The following POC5 variants were observed in gnomAD, a reference collection of about 807,000 sequenced individuals.
POC5 encodes the protein POC5 centriolar protein, also known as centrosomal protein POC5.
POC5 carries 48 observed loss-of-function variants against 62.9 expected under a neutral mutation model. The ratio of observed to expected loss-of-function variants is 0.76; its 90% confidence interval spans 0.61 to 0.97. The LOEUF (loss-of-function observed/expected upper bound fraction) is 0.97, where lower values mean the gene tolerates loss of function less well. Ranked by LOEUF, POC5 falls within the 50% of genes least tolerant of loss-of-function variation. The pLI, the probability that POC5 is intolerant of heterozygous loss-of-function variation, is 0.00. For missense variants in POC5, 696 were observed against 679.5 expected (o/e 1.02, Z -0.27); for synonymous variants, 236 against 228.2 (o/e 1.03, Z -0.31).
rs527422385 is a variant in POC5, at chr5:75,687,689, T to C, written c.1129+1323A>G. Among the ~76,000 whole-genome samples the C allele has an allele frequency of 5.9e-5, 9 of 152,324 alleles. No individual in the cohort carries two copies. The South Asian group carries it at 1.9e-3, about 32-fold the overall frequency. On this transcript the variant is annotated intron_variant, in intron 9 of 11. Transcript: ENST00000428202. ...ATGGTAAATGTATTAAGGTGGGAAA[T>C]ACTCCTAAGTCAATTCAAAATCTTT... is the stretch of plus-strand genomic sequence containing the variant.
intron 7 of POC5, 80 bp from the exon 8 acceptor site, chr5:75,690,642 G>A (rs781481380): frequency 7.9e-6 from 9 of 1,138,252 alleles, no homozygotes; most frequent in Non-Finnish European, 1.1e-5. Flanking sequence ...ATAACATGGT[G>A]GTAAGTGTAC....
At chr5:75,714,295 T>C (rs1441883159) in intron 1 of POC5, among the ~76,000 whole-genome samples, 1 of 151,808 alleles carries the variant, frequency 6.6e-6, no homozygotes, top group East Asian at 1.9e-4. Flanking sequence ...GGCAGGAGAA[T>C]AGCTAGAACC....
rs897786518 is a variant in POC5, at chr5:75,692,287, A to C, written c.795+109T>G. Reference sequence around the variant, plus strand: ...TCCTTTGAAATAAGAGGAACATTAAATCACAAATTCATTTTGACTTATTAG... The same window carrying C: ...TCCTTTGAAATAAGAGGAACATTAACTCACAAATTCATTTTGACTTATTAG... On this transcript the variant is annotated intron_variant, in intron 7 of 11. Transcript: ENST00000428202. The C allele has an allele frequency of 9.6e-6, 7 of 726,840 alleles. No homozygotes were observed. In the South Asian group the frequency reaches 2.1e-4, roughly 22 times the overall value. The allele number at this position is 726,840 out of a possible 1,614,324, so 45.0% of individuals were successfully genotyped here.
intron 10 of POC5, among the ~76,000 whole-genome samples, chr5:75,682,767 G>A (rs1186734603): frequency 6.6e-6 from 1 of 151,942 alleles, no homozygotes; most frequent in Non-Finnish European, 1.5e-5. Context: ...CACCTGCCTC[G>A]GCCTCCCAGA....
At chr5:75,677,751 A>C in intron 11 of POC5, 23 bp downstream of exon 11, 1 of 1,530,990 alleles carries the variant, frequency 6.5e-7, no homozygotes. Context: ...TTTTTGACAA[A>C]AGGTCATCAA....
intron 9 of POC5, among the ~76,000 whole-genome samples, chr5:75,686,071 A>C (rs1776087420): frequency 6.6e-6 from 1 of 152,216 alleles, no homozygotes. Flanking sequence ...TAAATTATAT[A>C]AATCATAAGA....
intron 5 of POC5, among the ~76,000 whole-genome samples, chr5:75,700,258 C>T (rs1776810334): frequency 6.6e-6 from 1 of 151,852 alleles, no homozygotes; most frequent in African/African-American, 2.4e-5. Context: ...CCCGCATCAC[C>T]AAGTCAATCC....
At chr5:75,689,718 C>G in intron 8 of POC5, 5 of 962,982 alleles carry the variant, frequency 5.2e-6, no homozygotes, top group Non-Finnish European at 6.2e-6. Context: ...TATTTTTAAT[C>G]TTAACAATTT....
At chr5:75,695,854 T>C (rs370654089) in intron 5 of POC5, among the ~76,000 whole-genome samples, 37,074 of 151,874 alleles carry the variant, frequency 0.24, 4,710 homozygotes, top group South Asian at 0.32. Flanking sequence ...AGTGGGTGCA[T>C]GCACCGTGCG....
intron 7 of POC5, among the ~76,000 whole-genome samples, chr5:75,691,359 G>A (rs1034874427): frequency 3.3e-5 from 5 of 152,146 alleles, no homozygotes; most frequent in Non-Finnish European, 7.4e-5. Context: ...AAAGTAGGTT[G>A]AGCATCTCTA....
At chr5:75,699,063 G>A (rs140583126) in intron 5 of POC5, among the ~76,000 whole-genome samples, 37,112 of 151,916 alleles carry the variant, frequency 0.24, 4,750 homozygotes, top group South Asian at 0.33. Context: ...AGCTGATATT[G>A]TGGCAATAAT....
intron 5 of POC5, among the ~76,000 whole-genome samples, chr5:75,697,010 G>T (rs1408819978): frequency 1.3e-5 from 2 of 152,062 alleles, no homozygotes; most frequent in African/African-American, 4.8e-5. Flanking sequence ...AGAGAAAAAA[G>T]AATAAAAAGA....
At position 75,707,885 on chromosome 5, in the gene POC5, G is replaced by A. The variant is rs1406880575; in HGVS notation, c.85-10C>T. On this transcript the variant is annotated splice_polypyrimidine_tract_variant and intron_variant, in intron 2 of 11. Coordinates refer to ENST00000428202, the MANE Select transcript of POC5 (RefSeq NM_001099271.2). ...GTTCTTCATATTCTTCCTAAGAGAG[G>A]CCAATAATCAATAATGTAGTGTAAC... 3.8e-6 allele frequency: 6 copies of A among 1,566,334 alleles called. No individual in the cohort carries two copies. The highest frequency in any genetic ancestry group is 5.2e-6 in the Non-Finnish European group (6 of 1,149,122).
chr5:75,702,232 T>C (rs900559374), intron 5 of POC5, among the ~76,000 whole-genome samples: 3 of 152,106 alleles, frequency 2.0e-5, no homozygotes, highest in Admixed American at 6.5e-5. Flanking sequence ...GAAACCTAGA[T>C]GACAGGTTGA....
chr5:75,680,330 C>T (rs1775820570), intron 10 of POC5, among the ~76,000 whole-genome samples: 1 of 152,108 alleles, frequency 6.6e-6, no homozygotes, highest in Admixed American at 6.5e-5. Context: ...CTAGAGAAGT[C>T]TGGACTGAAG....
At chr5:75,687,503 T>C (rs1776145525) in intron 9 of POC5, among the ~76,000 whole-genome samples, 1 of 152,220 alleles carries the variant, frequency 6.6e-6, no homozygotes, top group African/African-American at 2.4e-5. Flanking sequence ...TTATTGCTAA[T>C]GCATGCTTTA....
chr5:75,694,720 TAC>T lies in POC5; in HGVS notation c.623_624del (p.Cys208Ter). 1 of 1,605,476 alleles carries T rather than the reference TAC, an allele frequency of 6.2e-7. No homozygotes were observed. Among genetic ancestry groups the T allele is most frequent in the Non-Finnish European group, 8.5e-7 (1 of 1,175,032 alleles). On this transcript the variant is annotated frameshift_variant, in exon 6 of 12. Coordinates refer to ENST00000428202, the MANE Select transcript of POC5 (RefSeq NM_001099271.2). LOFTEE classifies it high-confidence loss of function. ...AGCTCCTTCAATTCATTGATCTGATTACACAGTTGTTTTAAATGTGCTGCATG... is the reference window on the plus strand; with the variant it reads ...AGCTCCTTCAATTCATTGATCTGATTACAGTTGTTTTAAATGTGCTGCATG... Reference protein sequence around the residue: ...EKHAAHLKQLCNQINELKELQ... With the variant: ...EKHAAHLKQLXNQINELKELQ...
chr5:75,692,342 C>T (rs1007326647), intron 7 of POC5, 54 bp downstream of exon 7: 1 of 1,288,592 alleles, frequency 7.8e-7, no homozygotes, highest in Non-Finnish European at 1.1e-6. Flanking sequence ...ATCCTGAGCA[C>T]TTCTGAATTC....
intron 5 of POC5, among the ~76,000 whole-genome samples, chr5:75,701,395 A>C (rs1490757621): frequency 7.6e-6 from 1 of 131,898 alleles, no homozygotes; most frequent in Admixed American, 7.8e-5. Context: ...CAGCCATAAA[A>C]AATGATGAGT....
Sources: allele counts gnomAD v4.1 joint callset (sites outside exome capture counted in the v4.1 genomes callset), GRCh38; gene constraint gnomAD v4.1.1; transcripts MANE v1.5; gene names NCBI Gene and HGNC (gene_info 2026-07-23, HGNC 2026-07-21).